The following PAK5 variants were observed in gnomAD, a reference collection of about 807,000 sequenced individuals.
PAK5 encodes p21 (RAC1) activated kinase 5.
Under a neutral mutation model 65.9 loss-of-function variants are expected in PAK5, and 16 were observed. That is an observed-to-expected ratio of 0.24 (90% CI 0.16 to 0.37). PAK5 has a LOEUF of 0.37. Ranked by LOEUF, PAK5 falls within the 10% of genes least tolerant of loss-of-function variation. PAK5 has a pLI of 1.00. For missense variants in PAK5, 785 were observed against 903.9 expected (o/e 0.87, Z 1.69); for synonymous variants, 371 against 354.9 (o/e 1.05, Z -0.51).
intron 3 of PAK5, among the ~76,000 whole-genome samples, chr20:9,590,656 C>T (rs2046154298): frequency 6.6e-6 from 1 of 151,472 alleles, no homozygotes; most frequent in African/African-American, 2.4e-5. Context: ...TCCCCAAAAG[C>T]TGAATGTGGT....
intron 3 of PAK5, among the ~76,000 whole-genome samples, chr20:9,610,458 G>C (rs772978153): frequency 5.9e-5 from 9 of 152,172 alleles, no homozygotes; most frequent in Non-Finnish European, 1.0e-4. Flanking sequence ...CATGACTGTA[G>C]ACCGATTCTG....
intron 2 of PAK5, among the ~76,000 whole-genome samples, chr20:9,653,775 T>C (rs2047231060): frequency 6.6e-6 from 1 of 152,154 alleles, no homozygotes; most frequent in African/African-American, 2.4e-5. Context: ...AAGTATAACA[T>C]GAGTCTCACC....
intron 2 of PAK5, among the ~76,000 whole-genome samples, chr20:9,687,218 A>G (rs1251323868): frequency 6.6e-6 from 1 of 152,216 alleles, no homozygotes; most frequent in African/African-American, 2.4e-5. Flanking sequence ...GAAAAGCTCA[A>G]TGTCTATGGG....
intron 1 of PAK5, among the ~76,000 whole-genome samples, chr20:9,788,421 C>T (rs1223245283): frequency 1.3e-5 from 2 of 152,006 alleles, no homozygotes; most frequent in Non-Finnish European, 2.9e-5. Flanking sequence ...AATCCATCCC[C>T]GTTACCACCC....
At chr20:9,593,654 C>T (rs1348601516) in intron 3 of PAK5, among the ~76,000 whole-genome samples, 1 of 152,170 alleles carries the variant, frequency 6.6e-6, no homozygotes, top group Non-Finnish European at 1.5e-5. Flanking sequence ...CTCTGTTCAA[C>T]CATTGTGGAA....
chr20:9,834,048 T>C (rs1407144354), intron 1 of PAK5, among the ~76,000 whole-genome samples: 1 of 152,200 alleles, frequency 6.6e-6, no homozygotes, highest in Non-Finnish European at 1.5e-5. Flanking sequence ...TTTGTACTAG[T>C]TCCTTTAGGC....
At chr20:9,764,220 G>C (rs533780654) in intron 1 of PAK5, among the ~76,000 whole-genome samples, 1 of 152,214 alleles carries the variant, frequency 6.6e-6, no homozygotes, top group South Asian at 2.1e-4. Context: ...TTTTAAAAGA[G>C]TACAGCTGAG....
At chr20:9,608,658 A>T (rs2046500342) in intron 3 of PAK5, among the ~76,000 whole-genome samples, 1 of 152,238 alleles carries the variant, frequency 6.6e-6, no homozygotes. Context: ...TAAGAGAAAA[A>T]TGTGTGTGCA....
At chr20:9,699,049 C>G (rs534799083) in intron 2 of PAK5, among the ~76,000 whole-genome samples, 30 of 152,038 alleles carry the variant, frequency 2.0e-4, no homozygotes, top group African/African-American at 6.8e-4. Flanking sequence ...ATAGAGGAAA[C>G]TTTGAATTAG....
At chr20:9,669,456 A>G (rs528948189) in intron 2 of PAK5, among the ~76,000 whole-genome samples, 2 of 152,226 alleles carry the variant, frequency 1.3e-5, no homozygotes, top group East Asian at 1.9e-4. Flanking sequence ...TTTAGGTGCA[A>G]TCATATCAAA....
chr20:9,546,624 A>G (rs2045348710), intron 7 of PAK5, among the ~76,000 whole-genome samples: 1 of 152,220 alleles, frequency 6.6e-6, no homozygotes. Flanking sequence ...CCGAAGAGAA[A>G]GACATCAAGA....
intron 2 of PAK5, among the ~76,000 whole-genome samples, chr20:9,705,639 G>A (rs745985030): frequency 6.6e-6 from 1 of 152,078 alleles, no homozygotes; most frequent in Non-Finnish European, 1.5e-5. Flanking sequence ...TAGGCAAACC[G>A]AGATGGTTGG....
chr20:9,814,182 T>C (rs189004916), intron 1 of PAK5, among the ~76,000 whole-genome samples: 24 of 152,198 alleles, frequency 1.6e-4, no homozygotes, highest in Admixed American at 2.0e-4. Context: ...GGCAGGACTA[T>C]GTTAGAAAAG....
chr20:9,603,455 C>T (rs2046395703), intron 3 of PAK5, among the ~76,000 whole-genome samples: 1 of 152,164 alleles, frequency 6.6e-6, no homozygotes, highest in African/African-American at 2.4e-5. Flanking sequence ...ATCAGAGAAT[C>T]AGCTCCTCCT....
intron 3 of PAK5, among the ~76,000 whole-genome samples, chr20:9,640,059 AT>A (rs919302473): frequency 3.6e-4 from 54 of 151,660 alleles, no homozygotes; most frequent in South Asian, 8.3e-4. Context: ...AATGTTTATT[AT>A]TTTTTTTTAT....
intron 5 of PAK5, among the ~76,000 whole-genome samples, chr20:9,565,025 C>T (rs1014520755): frequency 4.6e-5 from 7 of 151,692 alleles, no homozygotes; most frequent in Admixed American, 3.3e-4. Context: ...TTTATTAAAT[C>T]AGTGACTGGT....
chr20:9,729,103 TG>T (rs1182022965), intron 1 of PAK5, among the ~76,000 whole-genome samples: 7 of 152,068 alleles, frequency 4.6e-5, no homozygotes, highest in African/African-American at 1.7e-4. Context: ...GGCATGGTGG[TG>T]GGCACCTGTA....
intron 1 of PAK5, among the ~76,000 whole-genome samples, chr20:9,829,943 A>G (rs953711767): frequency 1.3e-5 from 2 of 152,118 alleles, no homozygotes; most frequent in Non-Finnish European, 2.9e-5. Flanking sequence ...TGTGGAGACT[A>G]CAAAGTCCAC....
At chr20:9,574,784 C>A (rs956600716) in intron 4 of PAK5, among the ~76,000 whole-genome samples, 2 of 152,154 alleles carry the variant, frequency 1.3e-5, no homozygotes, top group Admixed American at 6.5e-5. Flanking sequence ...TAATGAAGAC[C>A]CTGTAGGTAA....
Sources: allele counts gnomAD v4.1 joint callset (sites outside exome capture counted in the v4.1 genomes callset), GRCh38; gene constraint gnomAD v4.1.1; transcripts MANE v1.5; gene names NCBI Gene and HGNC (gene_info 2026-07-23, HGNC 2026-07-21).